Variants in CCDC171 observed in about 807,000 individuals in gnomAD.
CCDC171 encodes coiled-coil domain containing 171.
Under a neutral mutation model 168.2 loss-of-function variants are expected in CCDC171, and 177 were observed. The observed-to-expected ratio is 1.05, with a 90% CI of 0.93 to 1.19. The LOEUF (loss-of-function observed/expected upper bound fraction) is 1.19. Ranked by LOEUF, CCDC171 falls within the 50% of genes most tolerant of loss-of-function variation. CCDC171 has a pLI of 0.00. For missense variants in CCDC171, 1,991 were observed against 1,539.0 expected (o/e 1.29, Z -4.91); for synonymous variants, 687 against 540.8 (o/e 1.27, Z -3.75).
intron 4 of CCDC171, chr9:15,588,430 G>C: frequency 3.5e-6 from 1 of 285,410 alleles, no homozygotes; most frequent in East Asian, 1.2e-4. Flanking sequence ...AAGGTTGTCT[G>C]CTAAACCTGC....
chr9:15,999,279 A>G (rs1212294194), intron 3 of CCDC171, among the ~76,000 whole-genome samples: 1 of 150,888 alleles, frequency 6.6e-6, no homozygotes, highest in Non-Finnish European at 1.5e-5. Flanking sequence ...AGAAAGAAAG[A>G]AAGGAGGGAG....
chr9:15,749,819 A>G (rs1265447805), intron 18 of CCDC171, among the ~76,000 whole-genome samples: 1 of 152,210 alleles, frequency 6.6e-6, no homozygotes, highest in African/African-American at 2.4e-5. Context: ...ACACATTTAA[A>G]GCAGTGTGTA....
intron 23 of CCDC171, among the ~76,000 whole-genome samples, chr9:15,857,170 C>G (rs2061377110): frequency 6.6e-6 from 1 of 151,790 alleles, no homozygotes; most frequent in Non-Finnish European, 1.5e-5. Context: ...CACAGGTTGC[C>G]TTTTCATTAT....
chr9:15,763,252 A>T (rs367886001), intron 18 of CCDC171, among the ~76,000 whole-genome samples: 85 of 152,324 alleles, frequency 5.6e-4, no homozygotes, highest in African/African-American at 1.9e-3. Context: ...ATATGCATGG[A>T]GTATGACCAA....
the CCDC171 span, among the ~76,000 whole-genome samples, chr9:16,098,143 G>A: frequency 2.6e-5 from 4 of 151,640 alleles, no homozygotes; most frequent in Admixed American, 2.0e-4. Context: ...GTCAGAGTTC[G>A]GCTATCTTTT....
intron 4 of CCDC171, chr9:15,588,639 T>C (rs1251030072): frequency 3.6e-6 from 1 of 274,280 alleles, no homozygotes; most frequent in South Asian, 5.1e-5. Flanking sequence ...TTGATAACTG[T>C]GCACTTTTGG....
At chr9:16,001,168 G>C (rs1832531913) in intron 3 of CCDC171, among the ~76,000 whole-genome samples, 1 of 152,172 alleles carries the variant, frequency 6.6e-6, no homozygotes, top group Non-Finnish European at 1.5e-5. Context: ...ATCAAGATAG[G>C]AACCAACTGA....
intron 25 of CCDC171, among the ~76,000 whole-genome samples, chr9:15,956,261 G>T (rs537391185): frequency 8.9e-4 from 136 of 152,322 alleles, no homozygotes; most frequent in Non-Finnish European, 1.7e-3. Context: ...GCTTTGCCTG[G>T]TGTGAAATAG....
chr9:15,872,625 A>G (rs1417950543), intron 23 of CCDC171, among the ~76,000 whole-genome samples: 1 of 152,016 alleles, frequency 6.6e-6, no homozygotes, highest in African/African-American at 2.4e-5. Context: ...TTCAAAGCTA[A>G]TAGTATCTCA....
At chr9:15,723,615 C>G in intron 12 of CCDC171, 66 bp from the exon 13 acceptor site, 1 of 1,174,070 alleles carries the variant, frequency 8.5e-7, no homozygotes, top group African/African-American at 1.6e-5. Flanking sequence ...GTTACCCATC[C>G]TTGAAAAATG....
chr9:16,104,772 G>A, the CCDC171 span, among the ~76,000 whole-genome samples: 1 of 149,522 alleles, frequency 6.7e-6, no homozygotes, highest in Non-Finnish European at 1.5e-5. Flanking sequence ...CATTGAACAT[G>A]TACTATATGC....
chr9:15,793,604 C>T (rs999141138), intron 21 of CCDC171, among the ~76,000 whole-genome samples: 1 of 132,096 alleles, frequency 7.6e-6, no homozygotes, highest in East Asian at 2.5e-4. Context: ...ACTCTCTTCC[C>T]AGTGGCTGGA....
At chr9:15,823,566 A>G (rs1347191895) in intron 21 of CCDC171, among the ~76,000 whole-genome samples, 1 of 152,124 alleles carries the variant, frequency 6.6e-6, no homozygotes, top group Non-Finnish European at 1.5e-5. Flanking sequence ...TAAGATACAT[A>G]ATATTGCTTA....
At chr9:15,607,387 A>ATTTTATTTTATTTTT (rs1313014111) in intron 6 of CCDC171, among the ~76,000 whole-genome samples, 16 of 152,252 alleles carry the variant, frequency 1.1e-4, no homozygotes, top group African/African-American at 3.6e-4. Context: ...AGTATATTGT[A>ATTTTATTTTATTTTT]TTATTTTAGT....
intron 24 of CCDC171, among the ~76,000 whole-genome samples, chr9:15,913,441 G>T (rs555863294): frequency 1.3e-5 from 2 of 152,118 alleles, no homozygotes; most frequent in African/African-American, 4.8e-5. Context: ...TTGTTTGGCT[G>T]GCAGCGTATA....
chr9:15,822,884 A>C (rs893554056), intron 21 of CCDC171, among the ~76,000 whole-genome samples: 1 of 152,180 alleles, frequency 6.6e-6, no homozygotes, highest in South Asian at 2.1e-4. Context: ...ACACATGCAC[A>C]CGTATGTCTA....
chr9:15,822,542 C>T (rs947244920), intron 21 of CCDC171, among the ~76,000 whole-genome samples: 2 of 152,136 alleles, frequency 1.3e-5, no homozygotes, highest in African/African-American at 4.8e-5. Context: ...ACAGACACTT[C>T]TCAAAAGAAG....
intron 11 of CCDC171, among the ~76,000 whole-genome samples, chr9:15,714,436 C>G (rs2052920593): frequency 6.6e-6 from 1 of 152,124 alleles, no homozygotes; most frequent in Non-Finnish European, 1.5e-5. Flanking sequence ...ACTGGACCGA[C>G]TAGAGAGAGG....
At chr9:15,880,593 A>T (rs962683677) in intron 24 of CCDC171, among the ~76,000 whole-genome samples, 1 of 148,118 alleles carries the variant, frequency 6.8e-6, no homozygotes, top group Admixed American at 6.7e-5. Context: ...AGTAGCTGGG[A>T]CTGCAGGCAT....
Sources: allele counts gnomAD v4.1 joint callset (sites outside exome capture counted in the v4.1 genomes callset), GRCh38; gene constraint gnomAD v4.1.1; transcripts MANE v1.5; gene names NCBI Gene and HGNC (gene_info 2026-07-23, HGNC 2026-07-21).